The following IFIH1 variants were observed in gnomAD, a reference collection of about 807,000 sequenced individuals.
IFIH1 encodes the protein interferon induced with helicase C domain 1.
Under a neutral mutation model 107.4 loss-of-function variants are expected in IFIH1, and 125 were observed. The observed-to-expected ratio is 1.16, with a 90% CI of 1.01 to 1.35. The LOEUF (loss-of-function observed/expected upper bound fraction) is 1.35, where lower values mean the gene tolerates loss of function less well. Ranked by LOEUF, IFIH1 falls within the 40% of genes most tolerant of loss-of-function variation. The pLI, the probability that IFIH1 is intolerant of heterozygous loss-of-function variation, is 0.00. For synonymous variants in IFIH1, 458 were observed against 413.2 expected, an observed-to-expected ratio of 1.11 and a Z score of -1.31; for missense variants, 1,333 against 1,213.7, an observed-to-expected ratio of 1.10 and a Z score of -1.46.
Position 162,293,624 on chromosome 2 carries a change from C to G in IFIH1, c.814G>C (p.Glu272Gln), listed in dbSNP as rs1683037152. The stretch of plus-strand genomic sequence containing the variant: ...ATGTTGCTGTTATGTCCAAGACTTT[C>G]ATCTAAGCAGCTGACACTTCCTTCT... ...LAEGSVSCLD[E>Q]SLGHNSNMGS... Residue 272 changes from glutamate (E) to glutamine (Q), a missense_variant, in exon 4 of 16, where the codon GAA becomes CAA. Glu to Gln is a conservative substitution (Grantham distance 29, BLOSUM62 2). Transcript: ENST00000649979. 5 of 1,612,006 alleles carry G rather than the reference C, an allele frequency of 3.1e-6. No individual in the cohort carries two copies. Among genetic ancestry groups the G allele is most frequent in the Non-Finnish European group, 3.4e-6 (4 of 1,178,546 alleles).
At chr2:162,285,044 G>C (rs974320202) in intron 5 of IFIH1, among the ~76,000 whole-genome samples, 8 of 151,958 alleles carry the variant, frequency 5.3e-5, no homozygotes, top group African/African-American at 1.9e-4. Context: ...CCTACTGAAG[G>C]ACACAGAGAA....
chr2:162,274,891 C>A (rs1352049514), intron 11 of IFIH1, among the ~76,000 whole-genome samples: 1 of 152,194 alleles, frequency 6.6e-6, no homozygotes, highest in East Asian at 1.9e-4. Context: ...CCTTCCCTTT[C>A]TTCTCAGAGG....
Position 162,317,956 on chromosome 2 carries a change from G to A in IFIH1, c.352C>T (p.Leu118=). ...ACCAGAGTGGGCTGAAGGAGGTTCA[G>A]CAGTTGGAGATATTCATCATGAGCG... ...ENAHDEYLQL[L]NLLQPTLVDK... is the part of the protein sequence containing the mutation. Residue 118 remains leucine, a synonymous_variant, in exon 1 of 16, where the codon CTG becomes TTG. Coordinates refer to ENST00000649979, the MANE Select transcript of IFIH1 (RefSeq NM_022168.4). 1 of 1,614,192 alleles carries A rather than the reference G, an allele frequency of 6.2e-7. No individual in the cohort carries two copies. Among genetic ancestry groups the A allele is most frequent in the Non-Finnish European group, 8.5e-7 (1 of 1,180,024 alleles).
In IFIH1 at chr2:162,272,306, CT is replaced by C; in HGVS notation, c.2535del (p.Val846LeufsTer8). ...ATCATCTTCTCTCGGAAATCATTAA[CT>C]GTCTCATGTTCGATAACTCCTGAAC... Reference protein sequence around the residue: ...HSGSGVIEHETVNDFREKMMY... With the variant: ...HSGSGVIEHEXVNDFREKMMY... On this transcript the variant is annotated frameshift_variant, in exon 13 of 16. Coordinates refer to ENST00000649979, the MANE Select transcript of IFIH1 (RefSeq NM_022168.4). LOFTEE classifies it high-confidence loss of function. 1.2e-6 allele frequency: 2 copies of C among 1,613,082 alleles called. No individual in the cohort carries two copies. The highest frequency in any genetic ancestry group is 1.7e-6 in the Non-Finnish European group (2 of 1,179,358).
Position 162,267,265 on chromosome 2 carries a change from C to T in IFIH1, c.3013G>A (p.Glu1005Lys). 6.2e-7 allele frequency: 1 copy of T among 1,611,782 alleles called. No individual in the cohort carries two copies. Among genetic ancestry groups the T allele is most frequent in the Non-Finnish European group, 8.5e-7 (1 of 1,179,378 alleles). The change falls in exon 16 of 16, where the codon GAA (glutamate) becomes AAA (lysine). Residue 1005 changes from glutamate to lysine, a missense_variant. Coordinates refer to ENST00000649979, the MANE Select transcript of IFIH1 (RefSeq NM_022168.4). ...AGATTGGGAAATGTGATAGGTAATTCTACCCACTTTTTGTATTGTTTCTTT... is the reference window on the plus strand; with the variant it reads ...AGATTGGGAAATGTGATAGGTAATTTTACCCACTTTTTGTATTGTTTCTTT... The part of the protein sequence containing the change: ...STKKQYKKWV[E>K]LPITFPNLDY...
In IFIH1 at chr2:162,276,820, A is replaced by C; in HGVS notation, c.2171T>G (p.Phe724Cys). The change falls in exon 11 of 16, where the codon TTT becomes TGT. Residue 724 changes from phenylalanine to cysteine, a missense_variant. By Grantham distance (205) the Phe-to-Cys change is radical (BLOSUM62 -2). Coordinates refer to ENST00000649979, the MANE Select transcript of IFIH1 (RefSeq NM_022168.4). ...RTEESARGII[F>C]TKTRQSAYAL... ...ATATGCACTCTGTCGTGTTTTTGTA[A>C]AGATTATTCCTCGTGCTGATTCCTC... 1 of 1,613,976 alleles carries C rather than the reference A, an allele frequency of 6.2e-7. No homozygotes were observed.
chr2:162,310,811 T>C lies in IFIH1; in HGVS notation c.576A>G (p.Glu192=). Residue 192 remains glutamate (E), a synonymous_variant, in exon 2 of 16, where the codon GAA becomes GAG. Transcript: ENST00000649979. ...CAGAGCCTGTTAACTCTTGGACAAG[T>C]TCATTGTTTCCTGTTTGACGAAGAA... is the stretch of plus-strand genomic sequence containing the variant. ...LNVLRQTGNN[E]LVQELTGSDC... 6.2e-7 allele frequency: 1 copy of C among 1,613,862 alleles called. No homozygotes were observed. Among genetic ancestry groups the C allele is most frequent in the Non-Finnish European group, 8.5e-7 (1 of 1,179,822 alleles).
intron 3 of IFIH1, among the ~76,000 whole-genome samples, chr2:162,299,613 G>A (rs1683156612): frequency 6.6e-6 from 1 of 152,098 alleles, no homozygotes; most frequent in Non-Finnish European, 1.5e-5. Context: ...CCAGCGCTCT[G>A]CTAGATATAT....
At chr2:162,269,885 C>T (rs988916303) in intron 13 of IFIH1, among the ~76,000 whole-genome samples, 3 of 152,094 alleles carry the variant, frequency 2.0e-5, no homozygotes, top group Non-Finnish European at 4.4e-5. Context: ...GATTAATTTC[C>T]TATGTAAATT....
intron 7 of IFIH1, among the ~76,000 whole-genome samples, chr2:162,280,366 T>G (rs2105200748): frequency 6.6e-6 from 1 of 152,172 alleles, no homozygotes; most frequent in African/African-American, 2.4e-5. Flanking sequence ...CTAAATCAAG[T>G]TGGTGTAATA....
intron 6 of IFIH1, among the ~76,000 whole-genome samples, chr2:162,281,759 C>T (rs998573780): frequency 2.0e-5 from 3 of 152,020 alleles, no homozygotes; most frequent in African/African-American, 7.2e-5. Flanking sequence ...CCCTGTTAGA[C>T]ATTCTCCTTC....
At chr2:162,315,908 G>A (rs1192158179) in intron 1 of IFIH1, among the ~76,000 whole-genome samples, 1 of 152,160 alleles carries the variant, frequency 6.6e-6, no homozygotes, top group Non-Finnish European at 1.5e-5. Context: ...GCTTCCTAGA[G>A]AGCCTCAAAT....
At chr2:162,278,012 T>C (rs1682734943) in intron 9 of IFIH1, among the ~76,000 whole-genome samples, 193 bp downstream of exon 9, 1 of 152,096 alleles carries the variant, frequency 6.6e-6, no homozygotes, top group Non-Finnish European at 1.5e-5. Context: ...AAAGAGAAAA[T>C]TGGATAGCAT....
chr2:162,281,497 G>T lies in IFIH1; in HGVS notation c.1355C>A (p.Ala452Glu), dbSNP rs147642994. The T allele has an allele frequency of 6.2e-7, 1 of 1,611,692 alleles. No homozygotes were observed. Among genetic ancestry groups the T allele is most frequent in the Non-Finnish European group, 8.5e-7 (1 of 1,178,502 alleles). Residue 452 changes from alanine (A) to glutamate (E), a missense_variant, in exon 7 of 16, where the codon GCA becomes GAA. Physicochemically the swap from Ala to Glu is moderately radical, Grantham distance 107. Coordinates refer to ENST00000649979, the MANE Select transcript of IFIH1 (RefSeq NM_022168.4). ...IDECHHTNKEAVYNNIMRHYL... is the reference protein window; with the variant it reads ...IDECHHTNKEEVYNNIMRHYL... Reference sequence around the variant, plus strand: ...ATGCCTCATGATGTTATTATACACTGCTTCTTTGTTGGTGTGATGACATTC... The same window carrying T: ...ATGCCTCATGATGTTATTATACACTTCTTCTTTGTTGGTGTGATGACATTC...
chr2:162,284,030 C>T (rs549066326), intron 5 of IFIH1, among the ~76,000 whole-genome samples: 16 of 151,262 alleles, frequency 1.1e-4, no homozygotes, highest in South Asian at 2.1e-4. Flanking sequence ...GTTACAAACA[C>T]GCTTGAGAAG....
intron 1 of IFIH1, among the ~76,000 whole-genome samples, chr2:162,315,186 G>A (rs1683466150): frequency 6.6e-6 from 1 of 152,152 alleles, no homozygotes; most frequent in South Asian, 2.1e-4. Context: ...AAGCAAATTT[G>A]GAAATCTTAT....
At chr2:162,303,137 GT>G (rs1213891938) in intron 3 of IFIH1, among the ~76,000 whole-genome samples, 4 of 152,072 alleles carry the variant, frequency 2.6e-5, no homozygotes, top group Admixed American at 2.0e-4. Context: ...TTGAGACGGA[GT>G]TTTTTTGTTC....
At chr2:162,278,472 C>T in intron 8 of IFIH1, 144 bp from the exon 9 acceptor site, 1 of 523,100 alleles carries the variant, frequency 1.9e-6, no homozygotes, top group South Asian at 3.2e-5. Context: ...CATCACTTGT[C>T]TGTACATTTA....
At chr2:162,275,037 T>C (rs1200113032) in intron 11 of IFIH1, among the ~76,000 whole-genome samples, 1 of 152,204 alleles carries the variant, frequency 6.6e-6, no homozygotes, top group Non-Finnish European at 1.5e-5. Context: ...TCTTGGATTT[T>C]AGCAGAAGAT....
Sources: allele counts gnomAD v4.1 joint callset (sites outside exome capture counted in the v4.1 genomes callset), GRCh38; gene constraint gnomAD v4.1.1; transcripts MANE v1.5; gene names NCBI Gene and HGNC (gene_info 2026-07-23, HGNC 2026-07-21).